GNAT3: variants seen among roughly 807,000 people sequenced by gnomAD.
GNAT3 encodes the protein guanine nucleotide-binding protein G(t) subunit alpha-3.
In GNAT3, 31 loss-of-function variants were observed where a neutral mutation model predicts 37.7. The ratio of observed to expected loss-of-function variants is 0.82; its 90% confidence interval spans 0.62 to 1.11. The LOEUF is 1.11. GNAT3 is among the 50% of genes most tolerant of loss of function. The pLI is 0.00. For missense variants in GNAT3, 437 were observed against 412.5 expected (o/e 1.06, Z -0.51); for synonymous variants, 138 against 139.8 (o/e 0.99, Z 0.09).
chr7:80,476,967 A>T (rs1790314941), intron 4 of GNAT3, among the ~76,000 whole-genome samples: 1 of 152,132 alleles, frequency 6.6e-6, no homozygotes, highest in African/African-American at 2.4e-5. Context: ...ACCTGCAGTA[A>T]TCTGGGTAGT....
intron 1 of GNAT3, among the ~76,000 whole-genome samples, chr7:80,499,745 G>A (rs1790798886): frequency 6.6e-6 from 1 of 152,052 alleles, no homozygotes; most frequent in African/African-American, 2.4e-5. Context: ...TCACATAGCT[G>A]GATTCATCAT....
intron 5 of GNAT3, among the ~76,000 whole-genome samples, chr7:80,464,687 T>C (rs567989529): frequency 6.6e-6 from 1 of 152,224 alleles, no homozygotes; most frequent in Non-Finnish European, 1.5e-5. Flanking sequence ...TTGTACAGAC[T>C]TCACGGGTAA....
At chr7:80,475,427 T>A (rs1310042037) in intron 4 of GNAT3, among the ~76,000 whole-genome samples, 2 of 152,090 alleles carry the variant, frequency 1.3e-5, no homozygotes, top group Non-Finnish European at 2.9e-5. Context: ...TCTAGACTTT[T>A]GATACTAAGC....
At chr7:80,509,539 G>A (rs1025251915) in intron 1 of GNAT3, among the ~76,000 whole-genome samples, 4 of 151,970 alleles carry the variant, frequency 2.6e-5, no homozygotes, top group African/African-American at 9.7e-5. Context: ...TTATACTTCT[G>A]GTACAAATAT....
chr7:80,494,749 G>A (rs1476653088), intron 1 of GNAT3, 102 bp from the exon 2 acceptor site: 7 of 695,124 alleles, frequency 1.0e-5, no homozygotes, highest in Middle Eastern at 6.1e-4. Context: ...TTTTTAATAG[G>A]TTTAGGGGGT....
At chr7:80,496,291 C>T (rs1357885107) in intron 1 of GNAT3, among the ~76,000 whole-genome samples, 6 of 152,168 alleles carry the variant, frequency 3.9e-5, no homozygotes, top group Admixed American at 1.3e-4. Flanking sequence ...CCATCATGCC[C>T]AGTTAATTTT....
intron 3 of GNAT3, among the ~76,000 whole-genome samples, chr7:80,483,679 C>T (rs1275223900): frequency 6.6e-6 from 1 of 151,916 alleles, no homozygotes; most frequent in Non-Finnish European, 1.5e-5. Context: ...CAATTTGTTG[C>T]TCCTTGAACT....
intron 1 of GNAT3, among the ~76,000 whole-genome samples, chr7:80,510,134 C>T (rs186437906): frequency 0.022 from 3,340 of 152,114 alleles, 56 homozygotes; most frequent in Non-Finnish European, 0.034. Flanking sequence ...TCCCCTTGTT[C>T]CCCCCAACCA....
intron 7 of GNAT3, among the ~76,000 whole-genome samples, chr7:80,460,702 C>A (rs1047325098): frequency 4.0e-5 from 6 of 151,596 alleles, no homozygotes; most frequent in African/African-American, 1.5e-4. Flanking sequence ...GAGCTGAGAT[C>A]GTGCCACTGC....
At chr7:80,462,890 A>C (rs1790074855) in intron 5 of GNAT3, among the ~76,000 whole-genome samples, 1 of 152,230 alleles carries the variant, frequency 6.6e-6, no homozygotes, top group Non-Finnish European at 1.5e-5. Flanking sequence ...TGGGAAGTTT[A>C]AAAGAGTTTA....
chr7:80,499,214 A>C (rs896969195), intron 1 of GNAT3, among the ~76,000 whole-genome samples: 2 of 152,222 alleles, frequency 1.3e-5, no homozygotes, highest in Non-Finnish European at 2.9e-5. Flanking sequence ...ATAATCATCC[A>C]AAGTTTCAGA....
intron 2 of GNAT3, among the ~76,000 whole-genome samples, chr7:80,493,609 TCC>T (rs1790638045): frequency 8.5e-6 from 1 of 117,910 alleles, no homozygotes; most frequent in Non-Finnish European, 1.8e-5. Context: ...TCTTTCCTCC[TCC>T]TCCTCTTTCC....
chr7:80,461,224 G>A (rs561327413), intron 7 of GNAT3, among the ~76,000 whole-genome samples: 4 of 152,150 alleles, frequency 2.6e-5, no homozygotes, highest in Non-Finnish European at 5.9e-5. Flanking sequence ...ACGCACCTAA[G>A]TGGTAAAACT....
intron 3 of GNAT3, among the ~76,000 whole-genome samples, chr7:80,486,201 A>G (rs1364195773): frequency 1.3e-5 from 2 of 152,160 alleles, no homozygotes; most frequent in Admixed American, 1.3e-4. Context: ...GTGGAAATCA[A>G]AATATGAACT....
chr7:80,511,688 C>A, intron 1 of GNAT3, 121 bp downstream of exon 1: 1 of 587,080 alleles, frequency 1.7e-6, no homozygotes, highest in Non-Finnish European at 3.0e-6. Flanking sequence ...AGTTTCCAAA[C>A]ACATTTTTAT....
chr7:80,500,482 T>A (rs1381161046), intron 1 of GNAT3, among the ~76,000 whole-genome samples: 1 of 152,098 alleles, frequency 6.6e-6, no homozygotes, highest in African/African-American at 2.4e-5. Context: ...AATGCCTGCT[T>A]TATCCCCCTT....
At position 80,492,663 on chromosome 7, in the gene GNAT3, T is replaced by C. The variant is rs529963776; in HGVS notation, c.161+1942A>G. Among the ~76,000 whole-genome samples, 13 of 151,704 alleles carry C rather than the reference T, an allele frequency of 8.6e-5. No homozygotes were observed. In the South Asian group the frequency reaches 2.7e-3, roughly 32 times the overall value. The stretch of plus-strand genomic sequence containing the variant: ...TTGAATTATTTTATTTTCATGCCTA[T>C]GCATATTTTATTACTTTTGACAATT... On this transcript the variant is annotated intron_variant, in intron 2 of 7. Transcript: ENST00000398291.
intron 5 of GNAT3, among the ~76,000 whole-genome samples, chr7:80,468,586 G>A (rs533446273): frequency 6.6e-6 from 1 of 152,108 alleles, no homozygotes; most frequent in Non-Finnish European, 1.5e-5. Flanking sequence ...GGTTACATAT[G>A]AGACCAGGTG....
intron 3 of GNAT3, among the ~76,000 whole-genome samples, chr7:80,483,313 A>G (rs1790423014): frequency 6.6e-6 from 1 of 152,080 alleles, no homozygotes; most frequent in Admixed American, 6.6e-5. Context: ...TTCTGTGCTT[A>G]TTGAAAAGCT....
Sources: allele counts gnomAD v4.1 joint callset (sites outside exome capture counted in the v4.1 genomes callset), GRCh38; gene constraint gnomAD v4.1.1; transcripts MANE v1.5; gene names NCBI Gene and HGNC (gene_info 2026-07-23, HGNC 2026-07-21).